The following CYB561D1 variants were observed in gnomAD, a reference collection of about 807,000 sequenced individuals.
CYB561D1 encodes the protein cytochrome b561 family member D1, also known as probable transmembrane reductase CYB561D1.
In CYB561D1, 15 loss-of-function variants were observed where a neutral mutation model predicts 19.2. The ratio of observed to expected loss-of-function variants is 0.78; its 90% CI spans 0.52 to 1.20. The LOEUF (loss-of-function observed/expected upper bound fraction) is 1.20. Among genes scored for constraint, CYB561D1 ranks in the 50% most tolerant of loss-of-function variants. The pLI is 0.00. For missense variants in CYB561D1, 297 were observed against 287.3 expected (o/e 1.03, Z -0.24); for synonymous variants, 133 against 120.6 (o/e 1.10, Z -0.68).
chr1:109,494,591 C>T (rs1327609846), intron 1 of CYB561D1: 1 of 1,379,562 alleles, frequency 7.2e-7, no homozygotes, highest in South Asian at 1.3e-5. Flanking sequence ...AATCCCAGCA[C>T]TTTGGGAGGC....
chr1:109,494,348 T>C, intron 1 of CYB561D1, 61 bp downstream of exon 1: 1 of 1,522,684 alleles, frequency 6.6e-7, no homozygotes, highest in Non-Finnish European at 8.8e-7. Context: ...GGGGCAGCGC[T>C]TGGGAGCCCC....
In CYB561D1 at chr1:109,494,206, C is replaced by T. The variant is rs1417359546; in HGVS notation, c.67C>T (p.Arg23Trp). 3 of 1,562,370 alleles carry T rather than the reference C, an allele frequency of 1.9e-6. No individual in the cohort carries two copies. Among genetic ancestry groups the T allele is most frequent in the Admixed American group, 1.9e-5 (1 of 52,428 alleles). The change falls in exon 1 of 3, where the codon CGG (arginine) becomes TGG (tryptophan). Residue 23 changes from arginine to tryptophan, a missense_variant. Transcript: ENST00000420578. ...GGAGCCGAGACTGACCCGCTGGCTG[C>T]GGAGAGGCAGTGGGATCTTGGCGCA... is the stretch of plus-strand genomic sequence containing the variant. ...AGEPRLTRWL[R>W]RGSGILAHLV...
Position 109,496,282 on chromosome 1 carries a change from G to A in CYB561D1, c.*23G>A, listed in dbSNP as rs778373588. The A allele has an allele frequency of 1.3e-6, 2 of 1,544,366 alleles. No individual in the cohort carries two copies. Among genetic ancestry groups the A allele is most frequent in the South Asian group, 1.2e-5 (1 of 80,796 alleles). On this transcript the variant is annotated 3_prime_UTR_variant, in exon 3 of 3. Transcript: ENST00000420578. ...TGAGTTCCTGCGAACGCTGAATCTAGGTGGGACGCTTGCCTTGAACATCAT... is the reference window on the plus strand; with the variant it reads ...TGAGTTCCTGCGAACGCTGAATCTAAGTGGGACGCTTGCCTTGAACATCAT...
chr1:109,495,548 G>A, intron 2 of CYB561D1: 2 of 877,528 alleles, frequency 2.3e-6, no homozygotes, highest in Non-Finnish European at 3.4e-6. Context: ...GTTGGGATGG[G>A]GAGATGTCAA....
At chr1:109,494,475 G>C in intron 1 of CYB561D1, 188 bp downstream of exon 1, 1 of 1,547,592 alleles carries the variant, frequency 6.5e-7, no homozygotes. Flanking sequence ...TTTGGGTGCT[G>C]TGGGGGAAGG....
At position 109,494,251 on chromosome 1, in the gene CYB561D1, A is replaced by G; in HGVS notation, c.112A>G (p.Thr38Ala). The change falls in exon 1 of 3, where the codon ACC becomes GCC. Residue 38 changes from threonine to alanine, a missense_variant. Thr to Ala is a moderately conservative substitution (Grantham distance 58, BLOSUM62 0). Coordinates refer to ENST00000420578, the MANE Select transcript of CYB561D1 (RefSeq NM_182580.3). ...ILAHLVALGF[T>A]IFLTALSRPG... is the part of the protein sequence containing the mutation. Reference sequence around the variant, plus strand: ...GGCGCACCTGGTAGCTTTGGGCTTCACCATCTTTCTGACAGCGCTGTCCCG... The same window carrying G: ...GGCGCACCTGGTAGCTTTGGGCTTCGCCATCTTTCTGACAGCGCTGTCCCG... 6.3e-7 allele frequency: 1 copy of G among 1,586,264 alleles called. No individual in the cohort carries two copies. Among genetic ancestry groups the G allele is most frequent in the East Asian group, 2.3e-5 (1 of 43,460 alleles).
Position 109,496,277 on chromosome 1 carries a change from A to G in CYB561D1, c.*18A>G, listed in dbSNP as rs1657561289. On this transcript the variant is annotated 3_prime_UTR_variant, in exon 3 of 3. Coordinates refer to ENST00000420578, the MANE Select transcript of CYB561D1 (RefSeq NM_182580.3). ...AAATGTGAGTTCCTGCGAACGCTGA[A>G]TCTAGGTGGGACGCTTGCCTTGAAC... is the stretch of plus-strand genomic sequence containing the variant. 6.4e-7 allele frequency: 1 copy of G among 1,551,726 alleles called. No individual in the cohort carries two copies. The highest frequency in any genetic ancestry group is 8.7e-7 in the Non-Finnish European group (1 of 1,143,226).
Position 109,494,254 on chromosome 1 carries a change from A to C in CYB561D1, c.115A>C (p.Ile39Leu), listed in dbSNP as rs765878493. The C allele has an allele frequency of 6.3e-7, 1 of 1,587,406 alleles. No homozygotes were observed. The highest frequency in any genetic ancestry group is 8.6e-7 in the Non-Finnish European group (1 of 1,166,752). ...LAHLVALGFT[I>L]FLTALSRPGT... ...GCACCTGGTAGCTTTGGGCTTCACC[A>C]TCTTTCTGACAGCGCTGTCCCGGCC... Residue 39 changes from isoleucine (I) to leucine (L), a missense_variant, in exon 1 of 3, where the codon ATC (isoleucine) becomes CTC (leucine). Transcript: ENST00000420578.
Position 109,495,858 on chromosome 1 carries a change from C to T in CYB561D1, c.289C>T (p.Gln97Ter), listed in dbSNP as rs760088563. ...KARIRLHWAG[Q>*]TLAILCAALG... ...ACGGATCCGGCTCCACTGGGCAGGGCAGACCCTAGCCATCCTCTGTGCAGC... is the reference window on the plus strand; with the variant it reads ...ACGGATCCGGCTCCACTGGGCAGGGTAGACCCTAGCCATCCTCTGTGCAGC... The change falls in exon 3 of 3, where the codon CAG (glutamine) becomes TAG (stop). Residue 97 changes from glutamine to a stop codon, truncating the protein, a stop_gained. Coordinates refer to ENST00000420578, the MANE Select transcript of CYB561D1 (RefSeq NM_182580.3). LOFTEE classifies it high-confidence loss of function. The T allele has an allele frequency of 1.2e-6, 2 of 1,613,894 alleles. No individual in the cohort carries two copies. Among genetic ancestry groups the T allele is most frequent in the South Asian group, 1.1e-5 (1 of 91,090 alleles).
rs1657791234 is a variant in CYB561D1, at chr1:109,499,666, A to G, written c.*3407A>G. Reference sequence around the variant, plus strand: ...CCGTGCCTAGCCAGGTCTTGTTTTGAAAACCTCACTGTGGGAGATTCAGGC... The same window carrying G: ...CCGTGCCTAGCCAGGTCTTGTTTTGGAAACCTCACTGTGGGAGATTCAGGC... On this transcript the variant is annotated 3_prime_UTR_variant, in exon 3 of 3. Transcript: ENST00000420578. 1 of 152,242 alleles carries G rather than the reference A, an allele frequency of 6.6e-6. No homozygotes were observed. The highest frequency in any genetic ancestry group is 2.1e-4 in the South Asian group (1 of 4,826). The allele number at this position is 152,242 out of a possible 1,614,324, so 9.4% of individuals were successfully genotyped here.
In CYB561D1 at chr1:109,495,866, AG is replaced by A. The variant is rs748148353; in HGVS notation, c.298del (p.Ala100ProfsTer34). 6.8e-6 allele frequency: 11 copies of A among 1,613,792 alleles called. No individual in the cohort carries two copies. The South Asian group carries it at 1.2e-4, about 18-fold the overall frequency. ...IRLHWAGQTL[A>X]ILCAALGLGF... ...GGCTCCACTGGGCAGGGCAGACCCT[AG>A]CCATCCTCTGTGCAGCTCTGGGCCT... On this transcript the variant is annotated frameshift_variant, in exon 3 of 3. Transcript: ENST00000420578. LOFTEE classifies it high-confidence loss of function.
chr1:109,494,384 C>T (rs1657365683), intron 1 of CYB561D1, 97 bp downstream of exon 1: 11 of 1,523,624 alleles, frequency 7.2e-6, no homozygotes, highest in Non-Finnish European at 9.7e-6. Flanking sequence ...GGGACCCCAG[C>T]AGTAAAGGGG....
chr1:109,495,214 A>G, intron 2 of CYB561D1, 34 bp downstream of exon 2: 1 of 1,612,388 alleles, frequency 6.2e-7, no homozygotes, highest in Non-Finnish European at 8.5e-7. Context: ...TTGTTTGGGT[A>G]TTCCTCACCT....
chr1:109,494,354 G>A (rs1054564267), intron 1 of CYB561D1, 67 bp downstream of exon 1: 5 of 1,519,044 alleles, frequency 3.3e-6, no homozygotes, highest in African/African-American at 2.8e-5. Flanking sequence ...GCGCTTGGGA[G>A]CCCCGGGAGA....
chr1:109,494,322 G>C (rs1406265441), intron 1 of CYB561D1, 35 bp downstream of exon 1: 1 of 1,549,878 alleles, frequency 6.5e-7, no homozygotes, highest in Admixed American at 1.9e-5. Context: ...GAAGGGGGCG[G>C]AGTGGAGATG....
rs1481393575 is a variant in CYB561D1 at position 109,496,674 on chromosome 1, G to A, written c.*415G>A. On this transcript the variant is annotated 3_prime_UTR_variant, in exon 3 of 3. Transcript: ENST00000420578. ...CCATGGGTCTTATTTATGGGATATG[G>A]TCCTCTTAGGCTCTGTTGTACAACC... 6.2e-6 allele frequency: 1 copy of A among 160,828 alleles called. No homozygotes were observed. Among genetic ancestry groups the A allele is most frequent in the African/African-American group, 2.4e-5 (1 of 41,616 alleles). The allele number at this position is 160,828 out of a possible 1,614,324, so 10.0% of individuals were successfully genotyped here.
intron 2 of CYB561D1, among the ~76,000 whole-genome samples, chr1:109,495,382 C>T (rs1244125966): frequency 2.0e-5 from 3 of 151,932 alleles, no homozygotes; most frequent in Non-Finnish European, 2.9e-5. Flanking sequence ...TTGAAAAGGG[C>T]GGGAGGGCAT....
chr1:109,495,606 A>C, intron 2 of CYB561D1, 150 bp from the exon 3 acceptor site: 2 of 1,470,026 alleles, frequency 1.4e-6, no homozygotes, highest in South Asian at 1.3e-5. Context: ...AAATGTTCCC[A>C]GAAATGTTGA....
rs915606808 is a variant in CYB561D1 at position 109,495,927 on chromosome 1, C to T, written c.358C>T (p.Leu120=). 5 of 1,613,904 alleles carry T rather than the reference C, an allele frequency of 3.1e-6. No homozygotes were observed. Among genetic ancestry groups the T allele is most frequent in the African/African-American group, 1.3e-5 (1 of 74,946 alleles). The change falls in exon 3 of 3, where the codon CTG becomes TTG. Residue 120 remains leucine, a synonymous_variant. Coordinates refer to ENST00000420578, the MANE Select transcript of CYB561D1 (RefSeq NM_182580.3). ...CATCTCCAGCAGGACCCGCAGTGAG[C>T]TGCCTCATCTGGTGTCCTGGCACAG... is the stretch of plus-strand genomic sequence containing the variant. ...FIISSRTRSE[L]PHLVSWHSWV...
Sources: allele counts gnomAD v4.1 joint callset (sites outside exome capture counted in the v4.1 genomes callset), GRCh38; gene constraint gnomAD v4.1.1; transcripts MANE v1.5; gene names NCBI Gene and HGNC (gene_info 2026-07-23, HGNC 2026-07-21).